OTUD5: variants seen among roughly 807,000 people sequenced by gnomAD.
OTUD5 encodes OTU deubiquitinase 5, also known as OTU domain-containing protein 5.
Under a neutral mutation model 36.3 loss-of-function variants are expected in OTUD5, and 2 were observed. That is an observed-to-expected ratio of 0.06 (90% CI 0.02 to 0.17). The LOEUF is 0.17. Ranked by LOEUF, OTUD5 falls within the 10% of genes least tolerant of loss-of-function variation. OTUD5 has a pLI of 1.00. For synonymous variants in OTUD5, 234 were observed against 214.9 expected (o/e 1.09, Z -0.78); for missense variants, 233 against 512.3 (o/e 0.45, Z 5.26).
At chrX:48,926,129 G>C in intron 5 of OTUD5, 79 bp from the exon 6 acceptor site, 1 of 746,814 alleles carries the variant, frequency 1.3e-6, no homozygotes, top group Non-Finnish European at 2.0e-6. Context: ...CAGCGAGGTA[G>C]GCCCACAGGC....
At chrX:48,935,222 G>C (rs1257584880) in intron 2 of OTUD5, among the ~76,000 whole-genome samples, 2 of 112,241 alleles carry the variant, frequency 1.8e-5, no homozygotes, top group Admixed American at 9.4e-5. Flanking sequence ...AAGAACAAGA[G>C]AGTGCAGGTG....
intron 5 of OTUD5, among the ~76,000 whole-genome samples, chrX:48,926,287 C>A (rs782757839): frequency 9.0e-5 from 10 of 111,102 alleles, no homozygotes; most frequent in Non-Finnish European, 1.7e-4. Flanking sequence ...TGACTCTAAC[C>A]CCCAAACCAC....
rs1468768397 is a variant in OTUD5 at position 48,957,444 on chromosome X, T to TGCC, written c.124_126dup (p.Gly42dup). The TGCC allele has an allele frequency of 1.0e-6, 1 of 990,344 alleles. No homozygotes were observed. Among genetic ancestry groups the TGCC allele is most frequent in the Non-Finnish European group, 1.3e-6 (1 of 786,433 alleles). 81.6% of individuals were successfully genotyped at this position (990,344 alleles called of 1,213,427 possible). On this transcript the variant is annotated inframe_insertion, in exon 1 of 9. Transcript: ENST00000376488. ...TCGCGATCGCCGCCGCCCACGCCCG[T>TGCC]GCCGCCGCCGCCCACGCCCACACCT... is the stretch of plus-strand genomic sequence containing the variant.
chrX:48,949,104 A>G (rs2064084980), intron 1 of OTUD5, among the ~76,000 whole-genome samples: 1 of 112,085 alleles, frequency 8.9e-6, no homozygotes, highest in South Asian at 3.7e-4. Flanking sequence ...GCAGACTCAA[A>G]TATTACAGGG....
Position 48,922,496 on chromosome X carries a change from G to A in OTUD5, c.*678C>T, listed in dbSNP as rs782405160. ...CAGTGCACACCCTAGACCCTGGGCC[G>A]GCCTCCATGCAGCTGGAGGCCAGAA... On this transcript the variant is annotated 3_prime_UTR_variant, in exon 9 of 9. Coordinates refer to ENST00000376488, the MANE Select transcript of OTUD5 (RefSeq NM_001136157.2). 1.3e-4 allele frequency: 96 copies of A among 750,815 alleles called. No individual in the cohort carries two copies. Among genetic ancestry groups the A allele is most frequent in the East Asian group, 1.5e-4 (1 of 6,569 alleles). 61.9% of individuals were successfully genotyped at this position (750,815 alleles called of 1,213,427 possible).
chrX:48,946,816 C>T (rs147285839), intron 1 of OTUD5, among the ~76,000 whole-genome samples: 1,559 of 112,236 alleles, frequency 0.014, 27 homozygotes, highest in African/African-American at 0.046. Context: ...AAGAAGGGAA[C>T]ACAGCGACTT....
intron 1 of OTUD5, among the ~76,000 whole-genome samples, chrX:48,949,783 G>A (rs1267258841): frequency 9.0e-6 from 1 of 111,457 alleles, no homozygotes; most frequent in East Asian, 2.8e-4. Context: ...AGTCCAGGAA[G>A]TGGAGGGTGC....
intron 2 of OTUD5, among the ~76,000 whole-genome samples, chrX:48,943,611 CTA>C (rs2147630548): frequency 9.0e-6 from 1 of 111,244 alleles, no homozygotes; most frequent in African/African-American, 3.3e-5. Flanking sequence ...AAAAAAAATT[CTA>C]TGATATAAGA....
Position 48,957,470 on chromosome X carries a change from CCGCCGCGCCGCGGCGCCGG to C in OTUD5, c.82_100del (p.Pro28GlufsTer104). 1 of 875,825 alleles carries C rather than the reference CCGCCGCGCCGCGGCGCCGG, an allele frequency of 1.1e-6. No homozygotes were observed. The highest frequency in any genetic ancestry group is 1.4e-6 in the Non-Finnish European group (1 of 712,926). The allele number at this position is 875,825 out of a possible 1,213,427, so 72.2% of individuals were successfully genotyped here. On this transcript the variant is annotated frameshift_variant, in exon 1 of 9. Coordinates refer to ENST00000376488, the MANE Select transcript of OTUD5 (RefSeq NM_001136157.2). LOFTEE classifies it high-confidence loss of function. Reference sequence around the variant, plus strand: ...GCCGCCGCCGCCCACGCCCACACCTCCGCCGCGCCGCGGCGCCGGGGGCATCGGCCCGGGCGGCGGCGGC... The same window carrying C: ...GCCGCCGCCGCCCACGCCCACACCTCGGGCATCGGCCCGGGCGGCGGCGGC...
At chrX:48,934,675 C>A in intron 4 of OTUD5, 36 bp downstream of exon 4, 1 of 1,205,671 alleles carries the variant, frequency 8.3e-7, no homozygotes, top group Non-Finnish European at 1.1e-6. Flanking sequence ...TCGAATGAGG[C>A]ACCATCTTTC....
chrX:48,929,421 T>A (rs1197730833), intron 5 of OTUD5, among the ~76,000 whole-genome samples: 1 of 106,114 alleles, frequency 9.4e-6, no homozygotes, highest in African/African-American at 3.5e-5. Context: ...TAAAATAAAA[T>A]AAAAATTAGG....
chrX:48,925,032 A>C (rs187219256), intron 6 of OTUD5, among the ~76,000 whole-genome samples: 3,596 of 110,321 alleles, frequency 0.033, 158 homozygotes, highest in African/African-American at 0.11. Context: ...TAATCCCAGC[A>C]CTTTGGGAGG....
rs782136726 is a variant in OTUD5, at chrX:48,957,047, T to C, written c.524A>G (p.Tyr175Cys). The stretch of plus-strand genomic sequence containing the variant: ...CGCCTCATACTCGTCCTCACTGTTG[T>C]AGCCTGCGCCGACCTCCTCACGCTC... ...SPEREEVGAG[Y>C]NSEDEYEAAA... The change falls in exon 1 of 9, where the codon TAC becomes TGC. Residue 175 changes from tyrosine (Y) to cysteine (C), a missense_variant. Transcript: ENST00000376488. The C allele has an allele frequency of 4.2e-6, 5 of 1,197,500 alleles. No individual in the cohort carries two copies. Among genetic ancestry groups the C allele is most frequent in the Non-Finnish European group, 5.6e-6 (5 of 889,603 alleles).
chrX:48,953,710 T>C (rs2064185134), intron 1 of OTUD5, among the ~76,000 whole-genome samples: 1 of 110,927 alleles, frequency 9.0e-6, no homozygotes, highest in African/African-American at 3.3e-5. Flanking sequence ...GAGCAGACTC[T>C]CAGCAAGGCA....
At chrX:48,924,534 C>T (rs1230140841) in intron 6 of OTUD5, among the ~76,000 whole-genome samples, 3 of 111,987 alleles carry the variant, frequency 2.7e-5, no homozygotes, top group East Asian at 5.6e-4. Context: ...TGCCAAAGTC[C>T]TCGCCACAGC....
At position 48,957,460 on chromosome X, in the gene OTUD5, GCCCACA is replaced by G; in HGVS notation, c.105_110del (p.Val38_Gly39del). 1 of 929,578 alleles carries G rather than the reference GCCCACA, an allele frequency of 1.1e-6. No individual in the cohort carries two copies. The highest frequency in any genetic ancestry group is 2.1e-5 in the African/African-American group (1 of 47,336). The allele number at this position is 929,578 out of a possible 1,213,427, so 76.6% of individuals were successfully genotyped here. ...CCACGCCCGTGCCGCCGCCGCCCAC[GCCCACA>G]CCTCCGCCGCGCCGCGGCGCCGGGG... On this transcript the variant is annotated inframe_deletion, in exon 1 of 9. Coordinates refer to ENST00000376488, the MANE Select transcript of OTUD5 (RefSeq NM_001136157.2).
intron 2 of OTUD5, among the ~76,000 whole-genome samples, chrX:48,942,281 AGAG>A (rs1338255525): frequency 1.1e-5 from 1 of 90,468 alleles, no homozygotes; most frequent in African/African-American, 4.4e-5. Flanking sequence ...ACACACACAC[AGAG>A]AACAGCTAGC....
upstream of OTUD5, chrX:48,958,322 T>C (rs1251964061): frequency 3.5e-5 from 4 of 112,903 alleles, no homozygotes; most frequent in African/African-American, 9.7e-5. Context: ...ACTTGAACGC[T>C]GTCAGCCGGA....
chrX:48,935,651 A>C (rs2063817506), intron 2 of OTUD5, among the ~76,000 whole-genome samples: 1 of 111,516 alleles, frequency 9.0e-6, no homozygotes, highest in South Asian at 3.8e-4. Flanking sequence ...AAAAAGAGGG[A>C]TAACAGGCCA....
Sources: allele counts gnomAD v4.1 joint callset (sites outside exome capture counted in the v4.1 genomes callset), GRCh38; gene constraint gnomAD v4.1.1; transcripts MANE v1.5; gene names NCBI Gene and HGNC (gene_info 2026-07-23, HGNC 2026-07-21).